The following EFL1 variants were observed in gnomAD, a reference collection of about 807,000 sequenced individuals.
EFL1 encodes elongation factor like GTPase 1.
EFL1 carries 76 observed loss-of-function variants against 126.7 expected under a neutral mutation model. That is an observed-to-expected ratio of 0.60 (90% CI 0.50 to 0.73). EFL1 has a LOEUF of 0.73. Among genes scored for constraint, EFL1 ranks in the 30% least tolerant of loss-of-function variants. The probability of loss-of-function intolerance (pLI) is 0.00; values close to 1 mark genes in which losing one functional copy is unlikely to be tolerated. For synonymous variants in EFL1, 410 were observed against 448.4 expected (o/e 0.91, Z 1.08); for missense variants, 1,128 against 1,343.2 (o/e 0.84, Z 2.50).
At chr15:82,170,305 G>A (rs1052663067) in intron 15 of EFL1, among the ~76,000 whole-genome samples, 10 of 151,362 alleles carry the variant, frequency 6.6e-5, no homozygotes, top group Non-Finnish European at 1.2e-4. Flanking sequence ...TAGTAGAGAC[G>A]GGGTTTCACC....
chr15:82,213,886 A>G (rs1426532988), intron 15 of EFL1, among the ~76,000 whole-genome samples: 1 of 152,236 alleles, frequency 6.6e-6, no homozygotes, highest in African/African-American at 2.4e-5. Context: ...AAAAGAATAT[A>G]TCTCTGTAGG....
intron 18 of EFL1, among the ~76,000 whole-genome samples, chr15:82,149,398 T>G (rs897152468): frequency 1.3e-5 from 2 of 152,080 alleles, no homozygotes; most frequent in African/African-American, 4.8e-5. Flanking sequence ...ATAACTTTGT[T>G]TTGAAAAAAA....
At chr15:82,165,586 C>A (rs752149123) in intron 15 of EFL1, among the ~76,000 whole-genome samples, 2 of 152,180 alleles carry the variant, frequency 1.3e-5, no homozygotes, top group African/African-American at 2.4e-5. Context: ...TATCACCTCG[C>A]TACATTAACA....
chr15:82,171,039 A>T (rs958113946), intron 15 of EFL1, among the ~76,000 whole-genome samples: 10 of 152,224 alleles, frequency 6.6e-5, no homozygotes, highest in African/African-American at 1.9e-4. Context: ...ACAACCAGGA[A>T]ATCATAACTG....
At chr15:82,156,519 G>A (rs1174057339) in intron 17 of EFL1, among the ~76,000 whole-genome samples, 1 of 152,102 alleles carries the variant, frequency 6.6e-6, no homozygotes, top group Non-Finnish European at 1.5e-5. Flanking sequence ...TCCTGACCTC[G>A]TGATCTGCCC....
chr15:82,147,667 C>T (rs1010898226), intron 18 of EFL1, among the ~76,000 whole-genome samples: 1 of 140,384 alleles, frequency 7.1e-6, no homozygotes, highest in East Asian at 2.0e-4. Flanking sequence ...GTTTCAAACA[C>T]ATAGAGGGAC....
intron 15 of EFL1, among the ~76,000 whole-genome samples, chr15:82,204,887 G>C (rs1214226839): frequency 6.6e-6 from 1 of 152,210 alleles, no homozygotes; most frequent in Non-Finnish European, 1.5e-5. Context: ...CTTTGGAAGA[G>C]AATATGATCT....
intron 15 of EFL1, among the ~76,000 whole-genome samples, chr15:82,173,474 T>A (rs1006167189): frequency 6.6e-6 from 1 of 152,120 alleles, no homozygotes; most frequent in African/African-American, 2.4e-5. Context: ...AAGAAAAACA[T>A]GAAAATTAGT....
At chr15:82,148,824 G>A (rs772437210) in intron 18 of EFL1, among the ~76,000 whole-genome samples, 37 of 152,158 alleles carry the variant, frequency 2.4e-4, no homozygotes, top group South Asian at 6.2e-4. Context: ...TAAACACTGC[G>A]TTCCATAAAT....
In EFL1 at chr15:82,151,711, G is replaced by A; in HGVS notation, c.2743C>T (p.Gln915Ter). ...QGASDLAKEG[Q>*]EENETCSGGN... ...CCAGAACAGGTTTCATTTTCCTCCT[G>A]TCCCTCTTTTGCCAGATCACTTGCT... Residue 915 changes from glutamine (Q) to a stop codon, truncating the protein, a stop_gained, in exon 18 of 20, where the codon CAG becomes TAG. Transcript: ENST00000268206. LOFTEE classifies it high-confidence loss of function. 6.2e-7 allele frequency: 1 copy of A among 1,614,044 alleles called. No individual in the cohort carries two copies. Among genetic ancestry groups the A allele is most frequent in the Non-Finnish European group, 8.5e-7 (1 of 1,180,014 alleles).
intron 14 of EFL1, among the ~76,000 whole-genome samples, chr15:82,218,871 T>TCC (rs2074678804): frequency 6.6e-6 from 1 of 152,124 alleles, no homozygotes; most frequent in South Asian, 2.1e-4. Context: ...AACTGCTACC[T>TCC]CCTTCTCTCT....
intron 15 of EFL1, among the ~76,000 whole-genome samples, chr15:82,201,795 A>G (rs367941411): frequency 5.3e-5 from 8 of 149,978 alleles, no homozygotes; most frequent in African/African-American, 2.0e-4. Flanking sequence ...TTGTCAGAGA[A>G]GAATCTGGGA....
In EFL1 at chr15:82,194,822, T is replaced by C. The variant is rs571534323; in HGVS notation, c.1750+19895A>G. 5.1e-4 allele frequency among the ~76,000 whole-genome samples: 78 copies of C among 152,196 alleles called. 1 individual carries two copies. Among genetic ancestry groups the C allele is most frequent in the African/African-American group, 1.8e-3 (73 of 41,526 alleles). ...TTCAAATGCTCAGCTTCTCTACTTT[T>C]CCACAAAATCTAGTAGTCAATGTTT... On this transcript the variant is annotated intron_variant, in intron 15 of 19. Transcript: ENST00000268206.
At chr15:82,170,860 T>C (rs1237214905) in intron 15 of EFL1, among the ~76,000 whole-genome samples, 2 of 152,226 alleles carry the variant, frequency 1.3e-5, no homozygotes, top group African/African-American at 4.8e-5. Flanking sequence ...CACATGGTTT[T>C]AAGTGATACT....
intron 18 of EFL1, among the ~76,000 whole-genome samples, chr15:82,148,009 G>A (rs1425091508): frequency 6.6e-6 from 1 of 152,134 alleles, no homozygotes; most frequent in African/African-American, 2.4e-5. Context: ...AAATGAGTGG[G>A]ACCAGAAGTG....
At chr15:82,229,403 G>C (rs745454504) in intron 8 of EFL1, among the ~76,000 whole-genome samples, 2 of 152,106 alleles carry the variant, frequency 1.3e-5, no homozygotes, top group Non-Finnish European at 2.9e-5. Flanking sequence ...CACAAGCCAA[G>C]AGCTAAAACT....
At chr15:82,138,430 A>ATGTGTGTGTGTGTGTGTGTGTGTG (rs10675439) in intron 19 of EFL1, among the ~76,000 whole-genome samples, 1 of 146,014 alleles carries the variant, frequency 6.8e-6, no homozygotes, top group East Asian at 2.0e-4. Flanking sequence ...GAGAGAGTGT[A>ATGTGTGTGTGTGTGTGTGTGTGTG]TGTGTGTGTG....
At chr15:82,225,525 C>T (rs1354804780) in intron 11 of EFL1, among the ~76,000 whole-genome samples, 1 of 152,146 alleles carries the variant, frequency 6.6e-6, no homozygotes, top group East Asian at 1.9e-4. Flanking sequence ...TGAGGGATCT[C>T]ATATGAAAGC....
Position 82,182,740 on chromosome 15 carries a change from G to T in EFL1, c.1751-18756C>A, listed in dbSNP as rs535323421. 2.0e-5 allele frequency among the ~76,000 whole-genome samples: 3 copies of T among 152,094 alleles called. No individual in the cohort carries two copies. In the South Asian group the frequency reaches 6.2e-4, roughly 32 times the overall value. On this transcript the variant is annotated intron_variant, in intron 15 of 19. Transcript: ENST00000268206. ...CTCGGGAGTCTGAGGCAGGAGAATG[G>T]CATGAACCTGGGAGGCAGAGCTTGC...
Sources: gnomAD v4.1 joint callset for allele counts (sites outside exome capture counted in the v4.1 genomes callset) on GRCh38, gnomAD v4.1.1 for gene constraint, MANE v1.5 for transcripts, NCBI Gene and HGNC (gene_info 2026-07-23, HGNC 2026-07-21) for gene names.